PLXNA4: variants seen among roughly 807,000 people sequenced by gnomAD.
The protein encoded by PLXNA4 is plexin A4.
Under a neutral mutation model 191.8 loss-of-function variants are expected in PLXNA4, and 44 were observed. That is an observed-to-expected ratio of 0.23 (90% CI 0.18 to 0.29). The LOEUF is 0.29. PLXNA4 is among the 10% of genes least tolerant of loss of function. PLXNA4 has a pLI of 1.00. For synonymous variants in PLXNA4, 1,082 were observed against 1,009.5 expected, an observed-to-expected ratio of 1.07 and a Z score of -1.36; for missense variants, 1,800 against 2,488.8, an observed-to-expected ratio of 0.72 and a Z score of 5.89.
At chr7:132,612,874 G>A (rs1803080431) in intron 2 of PLXNA4, among the ~76,000 whole-genome samples, 1 of 151,988 alleles carries the variant, frequency 6.6e-6, no homozygotes, top group Non-Finnish European at 1.5e-5. Flanking sequence ...AACCATGGGT[G>A]AGAACCACTG....
intron 3 of PLXNA4, among the ~76,000 whole-genome samples, chr7:132,415,395 C>T (rs963096738): frequency 2.0e-5 from 3 of 152,172 alleles, no homozygotes; most frequent in Admixed American, 6.5e-5. Context: ...GGGATATGGC[C>T]TCTCAGCTTG....
In PLXNA4 at chr7:132,227,465, A is replaced by G. The variant is rs1221706618; in HGVS notation, c.1868T>C (p.Ile623Thr). The change falls in exon 7 of 32, where the codon ATC (isoleucine) becomes ACC (threonine). Residue 623 changes from isoleucine (I) to threonine (T), a missense_variant. Physicochemically the swap from Ile to Thr is moderately conservative, Grantham distance 89. Around this residue, in one of 6 missense-constraint regions of PLXNA4, gnomAD observed 1,397 missense variants for 1,880.4 expected, o/e 0.74. Coordinates refer to ENST00000321063, the MANE Select transcript of PLXNA4 (RefSeq NM_020911.2). ...GGGATGCTCACCATTCTCTGTGATG[A>G]TCCGGGGCACCTCCTTGGCTGCAGG... ...YSPAAKEVPR[I>T]ITENGDHHVV... is the part of the protein sequence containing the mutation. The G allele has an allele frequency of 1.2e-6, 2 of 1,614,008 alleles. No homozygotes were observed. The highest frequency in any genetic ancestry group is 2.2e-5 in the East Asian group (1 of 44,866).
At chr7:132,195,684 A>C (rs1797234492) in intron 13 of PLXNA4, among the ~76,000 whole-genome samples, 2 of 152,338 alleles carry the variant, frequency 1.3e-5, no homozygotes, top group South Asian at 2.1e-4. Context: ...AGGTTTCATA[A>C]ATTTTCACAT....
chr7:132,486,133 G>C (rs779366093), intron 3 of PLXNA4, among the ~76,000 whole-genome samples: 1 of 151,994 alleles, frequency 6.6e-6, no homozygotes, highest in Non-Finnish European at 1.5e-5. Flanking sequence ...ATTATTACAG[G>C]GCTCAGAGAA....
chr7:132,557,541 CTTTT>C (rs200497175), intron 1 of PLXNA4, among the ~76,000 whole-genome samples: 4 of 114,966 alleles, frequency 3.5e-5, no homozygotes, highest in Admixed American at 9.0e-5. Flanking sequence ...TTTAATTTAT[CTTTT>C]TTTTAAAAAA....
intron 3 of PLXNA4, among the ~76,000 whole-genome samples, chr7:132,374,430 G>T (rs949988381): frequency 6.6e-6 from 1 of 152,160 alleles, no homozygotes; most frequent in African/African-American, 2.4e-5. Flanking sequence ...AACAAGCAGG[G>T]TGTCAAAGGC....
chr7:132,490,688 A>C (rs370168464), intron 2 of PLXNA4, among the ~76,000 whole-genome samples: 2 of 152,172 alleles, frequency 1.3e-5, no homozygotes, highest in East Asian at 3.9e-4. Flanking sequence ...AGCCTCCCGA[A>C]GTGCTAGCAT....
At chr7:132,212,357 C>T (rs1797830810) in intron 9 of PLXNA4, among the ~76,000 whole-genome samples, 1 of 152,136 alleles carries the variant, frequency 6.6e-6, no homozygotes, top group Non-Finnish European at 1.5e-5. Context: ...AGGCAACTGG[C>T]AGCTGTCCCT....
rs138307873 is a variant in PLXNA4, at chr7:132,354,178, A to AGTGT, written c.1372-55960_1372-55957dup. Among the ~76,000 whole-genome samples the AGTGT allele has an allele frequency of 5.7e-3, 862 of 151,292 alleles. 7 individuals carry two copies. Among genetic ancestry groups the AGTGT allele is most frequent in the African/African-American group, 0.02 (809 of 40,748 alleles). On this transcript the variant is annotated intron_variant, in intron 3 of 31. Transcript: ENST00000321063. Reference sequence around the variant, plus strand: ...ATGCCTGTAAGCCTGGGGCACCAACAGTGTGTGCGTGTGTGTGTGTGTGTG... The same window carrying AGTGT: ...ATGCCTGTAAGCCTGGGGCACCAACAGTGTGTGTGTGCGTGTGTGTGTGTGTGTG...
intron 16 of PLXNA4, among the ~76,000 whole-genome samples, chr7:132,184,895 G>A (rs374673206): frequency 1.1e-4 from 16 of 152,226 alleles, no homozygotes; most frequent in African/African-American, 3.9e-4. Flanking sequence ...TGACTACAGG[G>A]AGTAGTCAGG....
chr7:132,452,384 C>T (rs538717124), intron 3 of PLXNA4, among the ~76,000 whole-genome samples: 10 of 152,196 alleles, frequency 6.6e-5, no homozygotes, highest in Non-Finnish European at 1.3e-4. Context: ...CTGTGGCATG[C>T]CCATCTCTAC....
chr7:132,323,818 G>T (rs1323091996), intron 3 of PLXNA4, among the ~76,000 whole-genome samples: 1 of 152,122 alleles, frequency 6.6e-6, no homozygotes, highest in Non-Finnish European at 1.5e-5. Flanking sequence ...TAAATATCTG[G>T]GTGGCTGCAG....
chr7:132,289,678 G>T (rs1360463523), intron 4 of PLXNA4, among the ~76,000 whole-genome samples: 3 of 151,862 alleles, frequency 2.0e-5, no homozygotes, highest in African/African-American at 7.3e-5. Flanking sequence ...GACTACAGGT[G>T]CACACCACCA....
chr7:132,472,442 A>C (rs1796966297), intron 3 of PLXNA4, among the ~76,000 whole-genome samples: 1 of 152,322 alleles, frequency 6.6e-6, no homozygotes, highest in South Asian at 2.1e-4. Flanking sequence ...CACAAATGCA[A>C]ATCTTTAGAA....
At chr7:132,444,744 C>G (rs972973610) in intron 3 of PLXNA4, among the ~76,000 whole-genome samples, 1 of 152,120 alleles carries the variant, frequency 6.6e-6, no homozygotes, top group African/African-American at 2.4e-5. Context: ...ACCATGCACC[C>G]TCTCCACTTT....
upstream of PLXNA4, chr7:132,577,104 GGGCTGCGGCGGTGGT>G (rs934788344): frequency 1.4e-5 from 2 of 146,614 alleles, no homozygotes; most frequent in Non-Finnish European, 3.0e-5. Flanking sequence ...GGGAGGCGCG[GGGCTGCGGCGGTGGT>G]GGCTGCGGCG....
chr7:132,503,504 T>C (rs1585235520), intron 2 of PLXNA4, among the ~76,000 whole-genome samples: 1 of 151,374 alleles, frequency 6.6e-6, no homozygotes, highest in Admixed American at 6.6e-5. Flanking sequence ...GAGTGTCAGG[T>C]CCCCCCCAGA....
chr7:132,313,592 AAAG>A (rs1035457334), intron 3 of PLXNA4, among the ~76,000 whole-genome samples: 1 of 152,086 alleles, frequency 6.6e-6, no homozygotes, highest in Non-Finnish European at 1.5e-5. Flanking sequence ...GTGTGGGTGG[AAAG>A]AAGAAGTGCG....
chr7:132,493,084 C>T (rs1490876182), intron 2 of PLXNA4, among the ~76,000 whole-genome samples: 1 of 152,170 alleles, frequency 6.6e-6, no homozygotes, highest in East Asian at 1.9e-4. Flanking sequence ...CCAGGGCTGC[C>T]TGGGCCCGGG....
Sources: allele counts gnomAD v4.1 joint callset (sites outside exome capture counted in the v4.1 genomes callset), GRCh38; gene constraint gnomAD v4.1.1; regional missense constraint gnomAD v4.1.1; transcripts MANE v1.5; gene names NCBI Gene and HGNC (gene_info 2026-07-23, HGNC 2026-07-21).